Variants in RCOR3 observed in about 807,000 individuals in gnomAD.
RCOR3 encodes REST corepressor 3.
Under a neutral mutation model 64.1 loss-of-function variants are expected in RCOR3, and 13 were observed. The ratio of observed to expected loss-of-function variants is 0.20; its 90% CI spans 0.13 to 0.32. The LOEUF (loss-of-function observed/expected upper bound fraction) is 0.32, where lower values mean the gene tolerates loss of function less well. Among genes scored for constraint, RCOR3 ranks in the 10% least tolerant of loss-of-function variants. The probability of loss-of-function intolerance (pLI) is 1.00; values close to 1 mark genes in which losing one functional copy is unlikely to be tolerated. For missense variants in RCOR3, 489 were observed against 701.2 expected (o/e 0.70, Z 3.42); for synonymous variants, 215 against 239.0 (o/e 0.90, Z 0.93).
chr1:211,276,160 A>G (rs1696937865), intron 4 of RCOR3, 97 bp from the exon 5 acceptor site: 1 of 1,204,074 alleles, frequency 8.3e-7, no homozygotes. Flanking sequence ...AGTCGAAGTC[A>G]TAGGCTTAAG....
intron 7 of RCOR3, among the ~76,000 whole-genome samples, chr1:211,285,495 CA>C (rs1317379183): frequency 1.3e-5 from 2 of 152,160 alleles, no homozygotes; most frequent in Non-Finnish European, 2.9e-5. Context: ...GAAAGTTACT[CA>C]GAGTCACTTC....
chr1:211,307,315 C>A (rs1450672050), intron 10 of RCOR3, among the ~76,000 whole-genome samples: 2 of 151,928 alleles, frequency 1.3e-5, no homozygotes, highest in Non-Finnish European at 2.9e-5. Flanking sequence ...TGGTGAAACC[C>A]CATCTTCACT....
intron 2 of RCOR3, among the ~76,000 whole-genome samples, chr1:211,260,658 G>T (rs1390373607): frequency 6.6e-6 from 1 of 150,680 alleles, no homozygotes; most frequent in Non-Finnish European, 1.5e-5. Context: ...GCGCAGCCGG[G>T]ATTGTCTCTT....
At position 211,313,477 on chromosome 1, in the gene RCOR3, A is replaced by T. The variant is rs2102686585; in HGVS notation, c.1371A>T (p.Ser457=). ...RTLGPSPPAP[S]STPTPTAPIA... ...TGGGTCCATCACCTCCTGCCCCATC[A>T]TCCACTCCAACACCAACAGCCCCTA... The change falls in exon 12 of 12, where the codon TCA becomes TCT. Residue 457 remains serine, a synonymous_variant. Transcript: ENST00000419091. This position sits in a 1 kb window ranked among gnomAD's most constrained non-coding sequence, Gnocchi z 4.7. 2 of 1,614,036 alleles carry T rather than the reference A, an allele frequency of 1.2e-6. No individual in the cohort carries two copies. Among genetic ancestry groups the T allele is most frequent in the East Asian group, 4.5e-5 (2 of 44,878 alleles).
In RCOR3 at chr1:211,278,217, C is replaced by G; in HGVS notation, c.617C>G (p.Ala206Gly). The G allele has an allele frequency of 6.2e-7, 1 of 1,613,626 alleles. No homozygotes were observed. Among genetic ancestry groups the G allele is most frequent in the South Asian group, 1.1e-5 (1 of 91,020 alleles). ...SLMDRQARKL[A>G]NRHNQGDSDD... ...ATGGATCGCCAGGCTCGTAAACTAG[C>G]TAATAGACATAATCAGGGTGACAGG... is the stretch of plus-strand genomic sequence containing the variant. The change falls in exon 6 of 12, where the codon GCT (alanine) becomes GGT (glycine). Residue 206 changes from alanine (A) to glycine (G), a missense_variant. Around this residue, in one of 2 missense-constraint regions of RCOR3, gnomAD observed 402 missense variants for 617.0 expected, o/e 0.65. Coordinates refer to ENST00000419091, the MANE Select transcript of RCOR3 (RefSeq NM_001136223.3).
At chr1:211,292,234 A>G (rs190094717) in intron 8 of RCOR3, among the ~76,000 whole-genome samples, 3 of 152,300 alleles carry the variant, frequency 2.0e-5, no homozygotes, top group Non-Finnish European at 4.4e-5. Flanking sequence ...ATGTGTGTTT[A>G]TAGTACATAT....
At chr1:211,299,580 C>CA (rs565065654) in intron 9 of RCOR3, among the ~76,000 whole-genome samples, 73 of 152,182 alleles carry the variant, frequency 4.8e-4, no homozygotes, top group African/African-American at 1.7e-3. Flanking sequence ...TCTTTCAACT[C>CA]AGAGATAGTA....
chr1:211,282,942 CTTTA>C lies in RCOR3; in HGVS notation c.720+3631_720+3634del, dbSNP rs573174021. Among the ~76,000 whole-genome samples the C allele has an allele frequency of 2.3e-3, 348 of 152,210 alleles. 1 individual carries two copies. The highest frequency in any genetic ancestry group is 6.0e-3 in the African/African-American group (249 of 41,534). On this transcript the variant is annotated intron_variant, in intron 7 of 11. Transcript: ENST00000419091. ...ATCATTTAGTTTCATTTATTTCATA[CTTTA>C]TTTAATTGGAATCATATTGTATGTA...
At chr1:211,261,778 G>A (rs1016718639) in intron 2 of RCOR3, among the ~76,000 whole-genome samples, 6 of 151,516 alleles carry the variant, frequency 4.0e-5, no homozygotes, top group African/African-American at 9.7e-5. Flanking sequence ...AAAATTAGCC[G>A]ATCGTGGTGG....
chr1:211,280,578 T>G (rs1697634025), intron 7 of RCOR3, among the ~76,000 whole-genome samples: 1 of 152,242 alleles, frequency 6.6e-6, no homozygotes, highest in African/African-American at 2.4e-5. Flanking sequence ...ATTGCTTGTG[T>G]GATCCTATCC....
rs1014324285 is a variant in RCOR3 at position 211,271,134 on chromosome 1, G to A, written c.224-98G>A. ...GGCCTCCCAAAGTACTGGGATTACA[G>A]GCATGAGCCACCGTGCCTGGGCAGC... On this transcript the variant is annotated intron_variant, in intron 2 of 11. Coordinates refer to ENST00000419091, the MANE Select transcript of RCOR3 (RefSeq NM_001136223.3). 47 of 1,002,828 alleles carry A rather than the reference G, an allele frequency of 4.7e-5. 1 individual carries two copies. In the Admixed American group the frequency reaches 5.5e-4, roughly 12 times the overall value. The allele number at this position is 1,002,828 out of a possible 1,614,324, so 62.1% of individuals were successfully genotyped here. A position where few individuals can be genotyped will look rare whatever the true frequency, so the allele number is the denominator to read the frequency against.
chr1:211,279,665 C>G (rs1431073485), intron 7 of RCOR3, among the ~76,000 whole-genome samples: 1 of 152,228 alleles, frequency 6.6e-6, no homozygotes, highest in Non-Finnish European at 1.5e-5. Flanking sequence ...TTCTCTTCTA[C>G]TGTAATTTTG....
At chr1:211,304,012 TAA>T in intron 9 of RCOR3, 69 bp from the exon 10 acceptor site, 1 of 1,046,120 alleles carries the variant, frequency 9.6e-7, no homozygotes, top group Non-Finnish European at 1.4e-6. Context: ...GATGAAAATT[TAA>T]AAAAATAAGC....
intron 9 of RCOR3, among the ~76,000 whole-genome samples, chr1:211,300,270 A>G (rs978724914): frequency 5.9e-5 from 9 of 151,654 alleles, no homozygotes; most frequent in Admixed American, 1.3e-4. Context: ...GGATCTTGCT[A>G]TGTTGCCCAG....
chr1:211,288,884 T>C (rs1281302757), intron 7 of RCOR3, among the ~76,000 whole-genome samples: 1 of 152,076 alleles, frequency 6.6e-6, no homozygotes, highest in Non-Finnish European at 1.5e-5. Flanking sequence ...TTGAAGTACA[T>C]AGGAAAGTTT....
chr1:211,281,029 C>G (rs1041103204), intron 7 of RCOR3, among the ~76,000 whole-genome samples: 2 of 145,226 alleles, frequency 1.4e-5, no homozygotes, highest in Non-Finnish European at 3.0e-5. Flanking sequence ...CTCTAGAAAA[C>G]AAATCATCCT....
intron 2 of RCOR3, among the ~76,000 whole-genome samples, chr1:211,269,921 A>G (rs183061803): frequency 6.6e-6 from 1 of 152,280 alleles, no homozygotes; most frequent in African/African-American, 2.4e-5. Flanking sequence ...CGAGGCCAGT[A>G]GTTCAAGACC....
intron 5 of RCOR3, among the ~76,000 whole-genome samples, chr1:211,276,843 T>C (rs1697034442): frequency 6.6e-6 from 1 of 152,102 alleles, no homozygotes; most frequent in East Asian, 1.9e-4. Flanking sequence ...ATCCAGCACT[T>C]TGGGAGGCCG....
At chr1:211,307,248 G>A (rs1700934089) in intron 10 of RCOR3, among the ~76,000 whole-genome samples, 1 of 152,088 alleles carries the variant, frequency 6.6e-6, no homozygotes, top group Non-Finnish European at 1.5e-5. Flanking sequence ...TAGCACTTTG[G>A]GAGGCTGAGG....
Sources: gnomAD v4.1 joint callset for allele counts (sites outside exome capture counted in the v4.1 genomes callset) on GRCh38, gnomAD v4.1.1 for gene constraint, gnomAD v4.1.1 regional missense constraint, Gnocchi (gnomAD v3.1) non-coding constraint, MANE v1.5 for transcripts, NCBI Gene and HGNC (gene_info 2026-07-23, HGNC 2026-07-21) for gene names.